IL22RA1: variants seen among roughly 807,000 people sequenced by gnomAD.
IL22RA1 encodes interleukin 22 receptor subunit alpha 1.
IL22RA1 carries 25 observed loss-of-function variants against 32.8 expected under a neutral mutation model. The observed-to-expected ratio is 0.76, with a 90% confidence interval of 0.55 to 1.06. IL22RA1 has a LOEUF of 1.06. Ranked by LOEUF, IL22RA1 falls within the 50% of genes least tolerant of loss-of-function variation. The pLI is 0.00. For synonymous variants in IL22RA1, 305 were observed against 305.0 expected, an observed-to-expected ratio of 1.00 and a Z score of 0.00; for missense variants, 709 against 727.4, an observed-to-expected ratio of 0.97 and a Z score of 0.29.
chr1:24,125,809 G>A (rs1419067619), intron 5 of IL22RA1, among the ~76,000 whole-genome samples: 2 of 152,156 alleles, frequency 1.3e-5, no homozygotes, highest in Non-Finnish European at 2.9e-5. Context: ...AATAATATAT[G>A]TAAAGCATTT....
intron 4 of IL22RA1, among the ~76,000 whole-genome samples, chr1:24,129,035 T>C (rs1644185077): frequency 6.6e-6 from 1 of 152,150 alleles, no homozygotes; most frequent in African/African-American, 2.4e-5. Flanking sequence ...AGAAAGCCCT[T>C]GTTTCTTTGC....
intron 5 of IL22RA1, among the ~76,000 whole-genome samples, chr1:24,125,409 G>A (rs141461524): frequency 2.0e-5 from 3 of 152,290 alleles, no homozygotes; most frequent in African/African-American, 4.8e-5. Flanking sequence ...GTGGCCCTTA[G>A]AGCCTCTTCC....
At chr1:24,136,823 G>A (rs1371653698) in intron 3 of IL22RA1, among the ~76,000 whole-genome samples, 1 of 152,204 alleles carries the variant, frequency 6.6e-6, no homozygotes, top group Non-Finnish European at 1.5e-5. Context: ...GCTGGAGGAG[G>A]TGGTAAAGAG....
chr1:24,127,821 T>C (rs1644175968), intron 5 of IL22RA1, among the ~76,000 whole-genome samples: 2 of 152,102 alleles, frequency 1.3e-5, no homozygotes, highest in South Asian at 4.1e-4. Flanking sequence ...CTTCTCTGCT[T>C]CCCCCCTGCA....
At chr1:24,127,016 CAAAAAAA>C (rs59069321) in intron 5 of IL22RA1, among the ~76,000 whole-genome samples, 9 of 72,798 alleles carry the variant, frequency 1.2e-4, no homozygotes, top group Non-Finnish European at 2.6e-4. Flanking sequence ...ACTAAAAATA[CAAAAAAA>C]AAAAAAAAAA....
chr1:24,127,160 G>C (rs190766697), intron 5 of IL22RA1, among the ~76,000 whole-genome samples: 2 of 152,238 alleles, frequency 1.3e-5, no homozygotes, highest in Admixed American at 1.3e-4. Context: ...ACTCCAGCCT[G>C]AGTGACAGAG....
intron 5 of IL22RA1, among the ~76,000 whole-genome samples, chr1:24,127,464 A>C (rs1242627729): frequency 1.3e-5 from 2 of 152,046 alleles, no homozygotes; most frequent in Non-Finnish European, 2.9e-5. Context: ...GATGCACGCC[A>C]CCATACCTAG....
intron 6 of IL22RA1, 77 bp from the exon 7 acceptor site, chr1:24,121,814 G>A (rs1337590797): frequency 2.0e-5 from 25 of 1,221,444 alleles, no homozygotes; most frequent in Non-Finnish European, 2.4e-5. Flanking sequence ...GTGGGTGGGT[G>A]AGGTCCTCCA....
Position 24,121,018 on chromosome 1 carries a change from G to A in IL22RA1, c.1512C>T (p.Ile504=), listed in dbSNP as rs1299699866. 28 of 1,614,044 alleles carry A rather than the reference G, an allele frequency of 1.7e-5. No individual in the cohort carries two copies. Among genetic ancestry groups the A allele is most frequent in the African/African-American group, 5.3e-5 (4 of 74,948 alleles). ...AAGGGAGGGACATGGGGTGGCCCTC[G>A]ATCTGGACTGAGGAGAGGAGGGGGA... is the stretch of plus-strand genomic sequence containing the variant. ...GQLPLLSSVQ[I]EGHPMSLPLQ... The change falls in exon 7 of 7, where the codon ATC becomes ATT. Residue 504 remains isoleucine (I), a synonymous_variant. Coordinates refer to ENST00000270800, the MANE Select transcript of IL22RA1 (RefSeq NM_021258.4).
Position 24,123,344 on chromosome 1 carries a change from G to T in IL22RA1, c.750C>A (p.Ser250Arg). 2 of 1,614,180 alleles carry T rather than the reference G, an allele frequency of 1.2e-6. No homozygotes were observed. The highest frequency in any genetic ancestry group is 1.6e-4 in the Middle Eastern group (1 of 6,062). ...GFLVAVLCYL[S>R]YRYVTKPPAP... The stretch of plus-strand genomic sequence containing the variant: ...CAGGCGGCTTGGTGACATATCTGTA[G>T]CTCAGGTAGCAGAGTACTGCGACGA... The change falls in exon 6 of 7, where the codon AGC becomes AGA. Residue 250 changes from serine to arginine, a missense_variant. Ser to Arg is a moderately radical substitution (Grantham distance 110, BLOSUM62 -1). Transcript: ENST00000270800.
At chr1:24,134,848 T>A in intron 3 of IL22RA1, 1 of 984,650 alleles carries the variant, frequency 1.0e-6, no homozygotes, top group Non-Finnish European at 1.2e-6. Flanking sequence ...CTTCTGTCTC[T>A]CTCAAGATGG....
Position 24,134,279 on chromosome 1 carries a change from T to C in IL22RA1, c.463A>G (p.Thr155Ala). The C allele has an allele frequency of 6.2e-7, 1 of 1,611,048 alleles. No individual in the cohort carries two copies. The highest frequency in any genetic ancestry group is 8.5e-7 in the Non-Finnish European group (1 of 1,178,464). The stretch of plus-strand genomic sequence containing the variant: ...AGGTCATGGAAGATGTCTTCCAGGG[T>C]TAGCCGGTGGCCATCGCCTGCACGG... Reference protein sequence around the residue: ...PIRAGDGHRLTLEDIFHDLFY... With the variant: ...PIRAGDGHRLALEDIFHDLFY... Residue 155 changes from threonine to alanine, a missense_variant, in exon 4 of 7, where the codon ACC becomes GCC. Transcript: ENST00000270800.
In IL22RA1 at chr1:24,121,224, G is replaced by C. The variant is rs1236918717; in HGVS notation, c.1306C>G (p.Pro436Ala). 1 of 1,614,102 alleles carries C rather than the reference G, an allele frequency of 6.2e-7. No homozygotes were observed. The highest frequency in any genetic ancestry group is 8.5e-7 in the Non-Finnish European group (1 of 1,180,050). Reference protein sequence around the residue: ...RPKGQLQKEPPAGSCMLGGLS... With the variant: ...RPKGQLQKEPAAGSCMLGGLS... The stretch of plus-strand genomic sequence containing the variant: ...CCACCTAACATGCAGCTTCCAGCTG[G>C]TGGCTCTTTCTGAAGCTGACCTTTA... Residue 436 changes from proline (P) to alanine (A), a missense_variant, in exon 7 of 7, where the codon CCA becomes GCA. Transcript: ENST00000270800.
Position 24,121,068 on chromosome 1 carries a change from T to C in IL22RA1, c.1462A>G (p.Thr488Ala), listed in dbSNP as rs549934010. ...AGCTGGCCCTTTAGGTACTGTGGTG[T>C]CCCTTCCTCCCCACTGTGTAGCACA... The part of the protein sequence containing the change: ...PNVLHSGEEG[T>A]PQYLKGQLPL... Residue 488 changes from threonine (T) to alanine (A), a missense_variant, in exon 7 of 7, where the codon ACA becomes GCA. Thr to Ala is a moderately conservative substitution (Grantham distance 58). Coordinates refer to ENST00000270800, the MANE Select transcript of IL22RA1 (RefSeq NM_021258.4). 1 of 1,614,142 alleles carries C rather than the reference T, an allele frequency of 6.2e-7. No individual in the cohort carries two copies. Among genetic ancestry groups the C allele is most frequent in the Admixed American group, 1.7e-5 (1 of 60,020 alleles).
At position 24,125,232 on chromosome 1, in the gene IL22RA1, C is replaced by T. The variant is rs151110495; in HGVS notation, c.671-1809G>A. On this transcript the variant is annotated intron_variant, in intron 5 of 6. Coordinates refer to ENST00000270800, the MANE Select transcript of IL22RA1 (RefSeq NM_021258.4). ...AACACATCACAGAGGGGTAGGGACG[C>T]TCCCTTCCTATGGATAACAAAGCTG... 2.9e-3 allele frequency among the ~76,000 whole-genome samples: 442 copies of T among 152,266 alleles called. 4 individuals are homozygous for T. The highest frequency in any genetic ancestry group is 9.8e-3 in the African/African-American group (408 of 41,558).
rs1234657408 is a variant in IL22RA1 at position 24,120,522 on chromosome 1, C to T, written c.*283G>A. Reference sequence around the variant, plus strand: ...CCTCGGGAGTTTCCCTGCATTTCCTCCTTGCACTGTCATTTCTGCCTTGCA... The same window carrying T: ...CCTCGGGAGTTTCCCTGCATTTCCTTCTTGCACTGTCATTTCTGCCTTGCA... On this transcript the variant is annotated 3_prime_UTR_variant, in exon 7 of 7. Transcript: ENST00000270800. The T allele has an allele frequency of 5.2e-6, 2 of 381,508 alleles. No homozygotes were observed. The highest frequency in any genetic ancestry group is 2.0e-5 in the African/African-American group (1 of 49,348). 23.6% of individuals were successfully genotyped at this position (381,508 alleles called of 1,614,324 possible). A position where few individuals can be genotyped will look rare whatever the true frequency, so the allele number is the denominator to read the frequency against.
At chr1:24,133,031 A>G (rs1197069621) in intron 4 of IL22RA1, among the ~76,000 whole-genome samples, 1 of 151,696 alleles carries the variant, frequency 6.6e-6, no homozygotes, top group African/African-American at 2.4e-5. Context: ...TGGAGATGAT[A>G]GAACCTGCCT....
Position 24,134,161 on chromosome 1 carries a change from G to T in IL22RA1, c.531+50C>A. ...TAAAGCAACTCAGATCTAATTGGGAGGGAAGAGGCTTCCTAGGCAGAGAAA... is the reference window on the plus strand; with the variant it reads ...TAAAGCAACTCAGATCTAATTGGGATGGAAGAGGCTTCCTAGGCAGAGAAA... On this transcript the variant is annotated intron_variant, in intron 4 of 6. Transcript: ENST00000270800. 4 of 1,505,926 alleles carry T rather than the reference G, an allele frequency of 2.7e-6. No individual in the cohort carries two copies. In the South Asian group the frequency reaches 3.6e-5, roughly 14 times the overall value. The allele number at this position is 1,505,926 out of a possible 1,614,324, so 93.3% of individuals were successfully genotyped here. A position where few individuals can be genotyped will look rare whatever the true frequency, so the allele number is the denominator to read the frequency against.
At chr1:24,123,197 T>A in intron 6 of IL22RA1, 105 bp downstream of exon 6, 1 of 1,443,962 alleles carries the variant, frequency 6.9e-7, no homozygotes, top group Non-Finnish European at 9.2e-7. Context: ...AGCAGGCCCA[T>A]CTCCTGCTTT....
Sources: gnomAD v4.1 joint callset for allele counts (sites outside exome capture counted in the v4.1 genomes callset) on GRCh38, gnomAD v4.1.1 for gene constraint, MANE v1.5 for transcripts, NCBI Gene and HGNC (gene_info 2026-07-23, HGNC 2026-07-21) for gene names.